The following EHBP1 variants were observed in gnomAD, a reference collection of about 807,000 sequenced individuals.
The protein encoded by EHBP1 is EH domain-binding protein 1.
In EHBP1, 55 loss-of-function variants were observed where a neutral mutation model predicts 144.0. That is an observed-to-expected ratio of 0.38 (90% CI 0.31 to 0.48). EHBP1 has a LOEUF of 0.48. EHBP1 is among the 20% of genes least tolerant of loss of function. EHBP1 has a pLI of 0.98. For synonymous variants in EHBP1, 469 were observed against 472.7 expected (o/e 0.99, Z 0.10); for missense variants, 1,200 against 1,364.2 (o/e 0.88, Z 1.90).
At chr2:62,990,919 C>T in intron 16 of EHBP1, 79 bp downstream of exon 16, 4 of 1,487,726 alleles carry the variant, frequency 2.7e-6, no homozygotes, top group South Asian at 1.4e-5. Flanking sequence ...ATTCCAAAAA[C>T]AATTTTTTAC....
At chr2:62,981,961 A>C (rs978166508) in intron 15 of EHBP1, among the ~76,000 whole-genome samples, 3 of 152,106 alleles carry the variant, frequency 2.0e-5, no homozygotes, top group Admixed American at 6.5e-5. Context: ...TACATACCAA[A>C]TGGTAGTCTG....
chr2:62,869,072 A>C (rs2050259981), intron 9 of EHBP1, among the ~76,000 whole-genome samples: 1 of 152,240 alleles, frequency 6.6e-6, no homozygotes, highest in African/African-American at 2.4e-5. Flanking sequence ...AGTCATCAAG[A>C]AAATGCAAAT....
intron 13 of EHBP1, among the ~76,000 whole-genome samples, chr2:62,950,118 G>A (rs1488934816): frequency 6.6e-6 from 1 of 151,702 alleles, no homozygotes; most frequent in African/African-American, 2.4e-5. Flanking sequence ...TTGATTTAGA[G>A]TTGTTGGTAT....
chr2:62,820,165 C>G (rs1049463365), intron 5 of EHBP1, among the ~76,000 whole-genome samples: 2 of 144,588 alleles, frequency 1.4e-5, no homozygotes, highest in African/African-American at 5.1e-5. Flanking sequence ...GAAATGAGAT[C>G]GTGCCAATGC....
intron 5 of EHBP1, among the ~76,000 whole-genome samples, chr2:62,782,034 A>G (rs1043795495): frequency 2.6e-5 from 4 of 152,240 alleles, no homozygotes; most frequent in African/African-American, 9.6e-5. Flanking sequence ...ACACACAGAA[A>G]GCAGCTTAGC....
intron 18 of EHBP1, 137 bp from the exon 19 acceptor site, chr2:62,996,506 A>T (rs2059632060): frequency 7.0e-6 from 7 of 999,094 alleles, no homozygotes. Flanking sequence ...AATCACAGAG[A>T]GTTGCTTTTT....
chr2:62,734,907 C>T (rs1034687361), intron 2 of EHBP1, among the ~76,000 whole-genome samples: 1 of 152,052 alleles, frequency 6.6e-6, no homozygotes, highest in Non-Finnish European at 1.5e-5. Context: ...CCATGGGTTT[C>T]TGTTTTTTTT....
At chr2:62,885,509 G>T (rs2051851494) in intron 10 of EHBP1, among the ~76,000 whole-genome samples, 1 of 152,042 alleles carries the variant, frequency 6.6e-6, no homozygotes, top group African/African-American at 2.4e-5. Context: ...ACCTTTTACT[G>T]ACTATGAATA....
In EHBP1 at chr2:62,696,445, CT is replaced by C. The variant is rs960562472; in HGVS notation, c.-295-10442del. On this transcript the variant is annotated intron_variant, in intron 1 of 22. Coordinates refer to the EHBP1 transcript ENST00000405015. ...AACAGGGGTGAGCTACCATGCCCAG[CT>C]TTTTTTTTTCTTTTCCTTTTTCTTC... 8.8e-4 allele frequency among the ~76,000 whole-genome samples: 126 copies of C among 142,990 alleles called. 1 individual carries two copies. Among genetic ancestry groups the C allele is most frequent in the Admixed American group, 2.8e-4 (4 of 14,336 alleles). 93.8% of individuals were successfully genotyped at this position (142,990 alleles called of 152,430 possible).
chr2:62,749,286 T>G (rs1310848448), intron 3 of EHBP1, among the ~76,000 whole-genome samples: 1 of 152,204 alleles, frequency 6.6e-6, no homozygotes, highest in Non-Finnish European at 1.5e-5. Context: ...GTTTCCAGCT[T>G]CATCCATGTC....
At chr2:62,949,788 T>C (rs1288955364) in intron 13 of EHBP1, among the ~76,000 whole-genome samples, 1 of 152,208 alleles carries the variant, frequency 6.6e-6, no homozygotes, top group Non-Finnish European at 1.5e-5. Context: ...TGTACGGTTT[T>C]AACCTTTCTC....
intron 1 of EHBP1, among the ~76,000 whole-genome samples, chr2:62,697,156 C>A (rs1558514257): frequency 6.6e-6 from 1 of 152,172 alleles, no homozygotes; most frequent in Non-Finnish European, 1.5e-5. Context: ...AATGTAATTT[C>A]AATTTTGGCA....
chr2:62,729,332 TA>T, intron 2 of EHBP1, among the ~76,000 whole-genome samples: 1 of 124,826 alleles, frequency 8.0e-6, no homozygotes, highest in Non-Finnish European at 1.6e-5. Flanking sequence ...TAATATAATA[TA>T]ATATATATAA....
At chr2:62,771,701 A>G (rs1481604555) in intron 5 of EHBP1, 1 of 156,114 alleles carries the variant, frequency 6.4e-6, no homozygotes, top group Non-Finnish European at 1.4e-5. Context: ...GGGCAAGCCC[A>G]TGTCTTACTC....
chr2:63,021,862 G>T (rs1376816214), intron 19 of EHBP1, among the ~76,000 whole-genome samples: 2 of 151,884 alleles, frequency 1.3e-5, no homozygotes, highest in Non-Finnish European at 2.9e-5. Flanking sequence ...CGCCTCCCAG[G>T]TTCAAGCAAT....
intron 5 of EHBP1, among the ~76,000 whole-genome samples, chr2:62,781,083 A>G (rs1447189071): frequency 6.6e-6 from 1 of 152,120 alleles, no homozygotes; most frequent in Non-Finnish European, 1.5e-5. Context: ...ATGGTGAAAA[A>G]GGTGTGGTCT....
At chr2:62,863,819 T>A (rs1558585) in intron 8 of EHBP1, among the ~76,000 whole-genome samples, 48,432 of 133,654 alleles carry the variant, frequency 0.36, 9,918 homozygotes, top group East Asian at 0.52. Context: ...TTTATTTTTT[T>A]AAATTTTATT....
chr2:62,751,330 A>C (rs1375022158), intron 3 of EHBP1, among the ~76,000 whole-genome samples: 1 of 152,220 alleles, frequency 6.6e-6, no homozygotes, highest in Non-Finnish European at 1.5e-5. Flanking sequence ...TCCAGGGATG[A>C]AGCCCACTTG....
intron 5 of EHBP1, chr2:62,772,115 AAG>A (rs1362809848): frequency 6.6e-6 from 1 of 151,138 alleles, no homozygotes; most frequent in East Asian, 2.0e-4. Context: ...TCAAGAAAGA[AAG>A]AGAGCAAGAG....
Sources: allele counts gnomAD v4.1 joint callset (sites outside exome capture counted in the v4.1 genomes callset), GRCh38; gene constraint gnomAD v4.1.1; transcripts MANE v1.5; gene names NCBI Gene and HGNC (gene_info 2026-07-23, HGNC 2026-07-21).